Variants in PEX5 observed in about 807,000 individuals in gnomAD.
PEX5 encodes peroxisomal biogenesis factor 5, also known as PTS1 receptor.
PEX5 carries 52 observed loss-of-function variants against 82.9 expected under a neutral mutation model. The observed-to-expected ratio is 0.63, with a 90% CI of 0.50 to 0.79. The LOEUF (loss-of-function observed/expected upper bound fraction) is 0.79, where lower values mean the gene tolerates loss of function less well. Ranked by LOEUF, PEX5 falls within the 30% of genes least tolerant of loss-of-function variation. PEX5 has a pLI of 0.00. For missense variants in PEX5, 719 were observed against 815.2 expected (o/e 0.88, Z 1.44); for synonymous variants, 300 against 318.8 (o/e 0.94, Z 0.63).
chr12:7,210,371 G>A lies in PEX5; in HGVS notation c.*148G>A. ...AGGAGCTGCCTCAACGTAGGGGTGG[G>A]TAGTCTGTGTTCTAGTTCCTACATA... On this transcript the variant is annotated 3_prime_UTR_variant, in exon 16 of 16. Coordinates refer to ENST00000675855, the MANE Select transcript of PEX5 (RefSeq NM_001351132.2). 4 of 723,326 alleles carry A rather than the reference G, an allele frequency of 5.5e-6. No individual in the cohort carries two copies. Among genetic ancestry groups the A allele is most frequent in the Non-Finnish European group, 9.9e-6 (4 of 405,250 alleles). 44.8% of individuals were successfully genotyped at this position (723,326 alleles called of 1,614,324 possible). A position where few individuals can be genotyped will look rare whatever the true frequency, so the allele number is the denominator to read the frequency against.
chr12:7,208,857 G>C (rs1945154249), intron 13 of PEX5, 148 bp from the exon 14 acceptor site: 2 of 894,126 alleles, frequency 2.2e-6, no homozygotes, highest in Non-Finnish European at 3.7e-6. Flanking sequence ...AGAAAAACAG[G>C]CTTCTATATT....
chr12:7,201,196 CACAT>C (rs796548576), intron 6 of PEX5, among the ~76,000 whole-genome samples: 5 of 151,928 alleles, frequency 3.3e-5, no homozygotes, highest in African/African-American at 4.8e-5. Context: ...CGCATACATA[CACAT>C]ACATGTGCAC....
Position 7,190,372 on chromosome 12 carries a change from G to C in PEX5, c.-6G>C. 1 of 1,614,200 alleles carries C rather than the reference G, an allele frequency of 6.2e-7. No homozygotes were observed. ...TCCTGTGTCCATCAGAGAGCTGGCG[G>C]TCACCATGGCAATGCGGGAGCTGGT... On this transcript the variant is annotated 5_prime_UTR_variant, in exon 2 of 16. Coordinates refer to ENST00000675855, the MANE Select transcript of PEX5 (RefSeq NM_001351132.2).
chr12:7,210,628 T>A lies in PEX5; in HGVS notation c.*405T>A. 2.9e-6 allele frequency: 1 copy of A among 342,580 alleles called. No individual in the cohort carries two copies. The highest frequency in any genetic ancestry group is 2.5e-5 in the South Asian group (1 of 40,612). 21.2% of individuals were successfully genotyped at this position (342,580 alleles called of 1,614,324 possible). On this transcript the variant is annotated 3_prime_UTR_variant, in exon 16 of 16. Coordinates refer to ENST00000675855, the MANE Select transcript of PEX5 (RefSeq NM_001351132.2). ...CTGGGAATTGATAGTCCAGCTTCCT[T>A]GGGCAGTGTAAGTAGGAGGTTCATC...
chr12:7,195,641 C>G (rs995253685), intron 5 of PEX5, among the ~76,000 whole-genome samples: 1 of 150,524 alleles, frequency 6.6e-6, no homozygotes, highest in Non-Finnish European at 1.5e-5. Context: ...TTGAGAGGAC[C>G]ATTTCATAGG....
Position 7,201,180 on chromosome 12 carries a change from TAC to T in PEX5, c.552-566_552-565del, listed in dbSNP as rs746427055. On this transcript the variant is annotated intron_variant, in intron 6 of 15. Transcript: ENST00000675855. ...ACATATATACACACATACACATATG[TAC>T]ACACGCATACATACACATACATGTG... Among the ~76,000 whole-genome samples the T allele has an allele frequency of 5.7e-3, 788 of 137,972 alleles. 1 individual carries two copies. The highest frequency in any genetic ancestry group is 0.011 in the African/African-American group (431 of 38,952). The allele number at this position is 137,972 out of a possible 152,430, so 90.5% of individuals were successfully genotyped here.
At chr12:7,204,432 C>A (rs998219739) in intron 10 of PEX5, among the ~76,000 whole-genome samples, 1 of 152,078 alleles carries the variant, frequency 6.6e-6, no homozygotes, top group African/African-American at 2.4e-5. Context: ...CAGAAAAAGG[C>A]TAGAGTTTGA....
rs779720569 is a variant in PEX5, at chr12:7,199,054, G to A, written c.492G>A (p.Leu164=). 5.0e-6 allele frequency: 8 copies of A among 1,610,346 alleles called. No individual in the cohort carries two copies. The Admixed American group carries it at 1.3e-4, about 27-fold the overall frequency. ...CTGCCCGCTGGGCTGAGGAATATTT[G>A]GAGCAATCAGAGGAGAAGCTGTGGC... ...VSPARWAEEY[L]EQSEEKLWLG... is the part of the protein sequence containing the mutation. Residue 164 remains leucine (L), a synonymous_variant, in exon 6 of 16, where the codon TTG becomes TTA. Transcript: ENST00000675855.
intron 6 of PEX5, among the ~76,000 whole-genome samples, chr12:7,200,154 G>T (rs1312110628): frequency 1.3e-5 from 2 of 150,180 alleles, no homozygotes; most frequent in Non-Finnish European, 3.0e-5. Flanking sequence ...CCGGGCAGAG[G>T]GTCTCCTCAC....
rs201966704 is a variant in PEX5 at position 7,209,651 on chromosome 12, C to G, written c.1561-32C>G. ...TGTGCAGAGTTTGAGCTGAGTCAAG[C>G]TGTTCCCATCCGTTCTGCATCCCTA... On this transcript the variant is annotated intron_variant, in intron 14 of 15. Coordinates refer to ENST00000675855, the MANE Select transcript of PEX5 (RefSeq NM_001351132.2). The G allele has an allele frequency of 3.8e-4, 333 of 875,636 alleles. No individual in the cohort carries two copies. In the East Asian group the frequency reaches 8.3e-3, roughly 22 times the overall value. 54.2% of individuals were successfully genotyped at this position (875,636 alleles called of 1,614,324 possible). A position where few individuals can be genotyped will look rare whatever the true frequency, so the allele number is the denominator to read the frequency against.
At chr12:7,193,234 C>CTTTTTTTT (rs11339507) in intron 5 of PEX5, among the ~76,000 whole-genome samples, 1 of 121,120 alleles carries the variant, frequency 8.3e-6, no homozygotes, top group African/African-American at 2.9e-5. Flanking sequence ...TCTTGAGATT[C>CTTTTTTTT]TTTTTTTTTT....
At chr12:7,209,558 A>C in intron 14 of PEX5, 125 bp from the exon 15 acceptor site, 1 of 251,148 alleles carries the variant, frequency 4.0e-6, no homozygotes. Context: ...GGGACGAAAC[A>C]TGTTAGCTAA....
intron 6 of PEX5, among the ~76,000 whole-genome samples, chr12:7,201,328 CACAT>C (rs769866621): frequency 1.4e-3 from 31 of 22,764 alleles, no homozygotes; most frequent in African/African-American, 1.9e-3. Flanking sequence ...TATACATACA[CACAT>C]ACACGTATAT....
chr12:7,191,838 A>G (rs888836012), intron 5 of PEX5, 138 bp downstream of exon 5: 22 of 800,890 alleles, frequency 2.7e-5, no homozygotes, highest in Admixed American at 7.4e-5. Flanking sequence ...ACTGAACTCA[A>G]TTTCCCTTAG....
chr12:7,190,184 A>G (rs1940723618), intron 1 of PEX5, 178 bp from the exon 2 acceptor site: 3 of 1,522,338 alleles, frequency 2.0e-6, no homozygotes, highest in Non-Finnish European at 2.6e-6. Flanking sequence ...GCGGCAGGAG[A>G]GAGTACCGAC....
chr12:7,206,128 G>T (rs2136207908), intron 10 of PEX5, among the ~76,000 whole-genome samples: 1 of 152,318 alleles, frequency 6.6e-6, no homozygotes, highest in African/African-American at 2.4e-5. Flanking sequence ...AATGCAGAAG[G>T]ATTTATTTTA....
intron 4 of PEX5, 103 bp downstream of exon 4, chr12:7,191,461 G>A (rs2135901359): frequency 1.9e-6 from 3 of 1,597,556 alleles, no homozygotes; most frequent in East Asian, 2.2e-5. Flanking sequence ...CTGAGATGCA[G>A]AAGGAGACAA....
downstream of PEX5, chr12:7,212,737 CA>C (rs1245301285): frequency 1.3e-5 from 2 of 152,148 alleles, no homozygotes; most frequent in Non-Finnish European, 2.9e-5. Flanking sequence ...CTGTAATTCT[CA>C]AATTTTCTTG....
At chr12:7,200,000 G>T (rs1943519262) in intron 6 of PEX5, among the ~76,000 whole-genome samples, 1 of 128,756 alleles carries the variant, frequency 7.8e-6, no homozygotes, top group African/African-American at 3.0e-5. Flanking sequence ...CCTCCCGGAC[G>T]GGGCGGCTGG....
Sources: gnomAD v4.1 joint callset for allele counts (sites outside exome capture counted in the v4.1 genomes callset) on GRCh38, gnomAD v4.1.1 for gene constraint, MANE v1.5 for transcripts, NCBI Gene and HGNC (gene_info 2026-07-23, HGNC 2026-07-21) for gene names.